DNM3: variants seen among roughly 807,000 people sequenced by gnomAD.
DNM3 encodes the protein dynamin 3, also known as dynamin-3.
DNM3 carries 47 observed loss-of-function variants against 101.6 expected under a neutral mutation model. The observed-to-expected ratio is 0.46, with a 90% CI of 0.37 to 0.59. The LOEUF is 0.59. Among genes scored for constraint, DNM3 ranks in the 20% least tolerant of loss-of-function variants. DNM3 has a pLI of 0.00. For missense variants in DNM3, 849 were observed against 1,085.7 expected, an observed-to-expected ratio of 0.78 and a Z score of 3.06; for synonymous variants, 385 against 387.9, an observed-to-expected ratio of 0.99 and a Z score of 0.09.
intron 14 of DNM3, among the ~76,000 whole-genome samples, chr1:172,153,446 G>A (rs1168999332): frequency 6.6e-5 from 10 of 152,122 alleles, no homozygotes; most frequent in African/African-American, 2.2e-4. Flanking sequence ...AGTGATATGT[G>A]TTAATTTCCC....
At chr1:172,145,582 A>G (rs952440424) in intron 14 of DNM3, among the ~76,000 whole-genome samples, 3 of 151,982 alleles carry the variant, frequency 2.0e-5, no homozygotes, top group Non-Finnish European at 4.4e-5. Context: ...TTAGTTCCAC[A>G]TGTGGCCTTC....
chr1:172,199,426 A>G (rs1036566190), intron 14 of DNM3, among the ~76,000 whole-genome samples: 2 of 151,944 alleles, frequency 1.3e-5, no homozygotes, highest in African/African-American at 4.8e-5. Flanking sequence ...TATCAGATCC[A>G]TTTTGTCCAT....
At chr1:172,136,936 G>T (rs1471489697) in intron 14 of DNM3, 1 of 152,014 alleles carries the variant, frequency 6.6e-6, no homozygotes, top group East Asian at 1.9e-4. Context: ...AGTAAAAAAT[G>T]TTTAACAAAA....
intron 15 of DNM3, among the ~76,000 whole-genome samples, chr1:172,262,285 G>A (rs2062688158): frequency 6.6e-6 from 1 of 152,162 alleles, no homozygotes. Context: ...AGGGCCACAG[G>A]TAGGTATGAT....
chr1:172,393,305 T>G (rs2069689073), intron 20 of DNM3: 1 of 152,240 alleles, frequency 6.6e-6, no homozygotes, highest in African/African-American at 2.4e-5. Flanking sequence ...ATTTTACATA[T>G]TGTTATAACT....
chr1:172,190,794 G>T lies in DNM3; in HGVS notation c.1659+59506G>T, dbSNP rs530613444. Among the ~76,000 whole-genome samples, 34 of 152,242 alleles carry T rather than the reference G, an allele frequency of 2.2e-4. No homozygotes were observed. The South Asian group carries it at 5.2e-3, about 23-fold the overall frequency. Reference sequence around the variant, plus strand: ...ATGATGAGCATTTTTTCATGTGTCTGTTGGTGGCACAAATGTCTTCTTTTG... The same window carrying T: ...ATGATGAGCATTTTTTCATGTGTCTTTTGGTGGCACAAATGTCTTCTTTTG... On this transcript the variant is annotated intron_variant, in intron 14 of 20. Transcript: ENST00000627582.
At chr1:172,214,274 C>A (rs1427640630) in intron 14 of DNM3, among the ~76,000 whole-genome samples, 1 of 152,032 alleles carries the variant, frequency 6.6e-6, no homozygotes, top group African/African-American at 2.4e-5. Flanking sequence ...TATTGTCCTA[C>A]TTGTTTAACT....
chr1:172,314,682 A>G (rs2065241003), intron 16 of DNM3, among the ~76,000 whole-genome samples: 1 of 152,134 alleles, frequency 6.6e-6, no homozygotes. Context: ...AGCGAGGCTG[A>G]GGGAGGGGCG....
At chr1:171,971,186 A>G (rs1158597625) in intron 2 of DNM3, among the ~76,000 whole-genome samples, 2 of 151,924 alleles carry the variant, frequency 1.3e-5, no homozygotes, top group Admixed American at 1.3e-4. Context: ...CCAGCCGTAT[A>G]TCTCCTATTT....
rs137995919 is a variant in DNM3, at chr1:172,305,088, C to G, written c.1770-3640C>G. On this transcript the variant is annotated intron_variant, in intron 15 of 20. Coordinates refer to ENST00000627582, the MANE Select transcript of DNM3 (RefSeq NM_015569.5). ...ATACCCTTCAAAAAAATCAGTGAAT[C>G]GAGGAGCTCATTTTTTGAAAAGATC... Among the ~76,000 whole-genome samples, 448 of 152,162 alleles carry G rather than the reference C, an allele frequency of 2.9e-3. 5 individuals carry two copies. Among genetic ancestry groups the G allele is most frequent in the African/African-American group, 1.0e-2 (413 of 41,506 alleles).
chr1:172,346,050 G>A (rs1573548659), intron 17 of DNM3, among the ~76,000 whole-genome samples: 1 of 151,270 alleles, frequency 6.6e-6, no homozygotes, highest in East Asian at 2.0e-4. Flanking sequence ...GTGAACCTGG[G>A]AGGCGGAGCT....
At chr1:172,014,612 T>C (rs555293415) in intron 4 of DNM3, among the ~76,000 whole-genome samples, 1 of 152,328 alleles carries the variant, frequency 6.6e-6, no homozygotes, top group East Asian at 1.9e-4. Context: ...GTAAGGCTGT[T>C]CAGGTATTTT....
chr1:172,356,115 G>T (rs1342439330), intron 17 of DNM3, among the ~76,000 whole-genome samples: 1 of 152,056 alleles, frequency 6.6e-6, no homozygotes, highest in East Asian at 1.9e-4. Context: ...TTATTTTAAA[G>T]TGAGGCCTAA....
intron 14 of DNM3, among the ~76,000 whole-genome samples, chr1:172,218,291 A>G (rs2060778086): frequency 6.6e-6 from 1 of 152,164 alleles, no homozygotes; most frequent in South Asian, 2.1e-4. Flanking sequence ...AGTGAGATTA[A>G]TAGAAACTAA....
intron 15 of DNM3, among the ~76,000 whole-genome samples, chr1:172,284,675 C>A (rs1278496427): frequency 6.6e-6 from 1 of 152,170 alleles, no homozygotes; most frequent in East Asian, 1.9e-4. Context: ...CCATTTTCTT[C>A]TACAGAGACA....
intron 6 of DNM3, among the ~76,000 whole-genome samples, chr1:172,036,266 T>C (rs1262184585): frequency 6.7e-6 from 1 of 150,138 alleles, no homozygotes; most frequent in East Asian, 2.0e-4. Flanking sequence ...TTTGGTTTTT[T>C]GTTCTTGCGA....
chr1:172,229,930 T>C (rs2061271476), intron 14 of DNM3, among the ~76,000 whole-genome samples: 1 of 152,168 alleles, frequency 6.6e-6, no homozygotes, highest in Admixed American at 6.6e-5. Context: ...GACAGTGTAT[T>C]GACATAGAAG....
At position 172,412,524 on chromosome 1, in the gene DNM3, T is replaced by G; in HGVS notation, c.*4683T>G. 6 of 985,798 alleles carry G rather than the reference T, an allele frequency of 6.1e-6. No homozygotes were observed. The highest frequency in any genetic ancestry group is 7.2e-6 in the Non-Finnish European group (6 of 829,886). 61.1% of individuals were successfully genotyped at this position (985,798 alleles called of 1,614,324 possible). On this transcript the variant is annotated 3_prime_UTR_variant, in exon 21 of 21. Coordinates refer to ENST00000627582, the MANE Select transcript of DNM3 (RefSeq NM_015569.5). ...CTTGTCTTCTCTGCTGATTCTTTAA[T>G]TAATATGAGCCGGATACTTTCCACT...
chr1:172,181,990 C>A (rs2059365453), intron 14 of DNM3, among the ~76,000 whole-genome samples: 1 of 151,970 alleles, frequency 6.6e-6, no homozygotes, highest in Non-Finnish European at 1.5e-5. Context: ...GGTGTTGCCA[C>A]AACTTTATGA....
Sources: gnomAD v4.1 joint callset for allele counts (sites outside exome capture counted in the v4.1 genomes callset) on GRCh38, gnomAD v4.1.1 for gene constraint, MANE v1.5 for transcripts, NCBI Gene and HGNC (gene_info 2026-07-23, HGNC 2026-07-21) for gene names.